Variants in NEDD4L observed in about 807,000 individuals in gnomAD.
NEDD4L encodes the protein NEDD4 like E3 ubiquitin protein ligase.
NEDD4L carries 54 observed loss-of-function variants against 148.9 expected under a neutral mutation model. The ratio of observed to expected loss-of-function variants is 0.36; its 90% confidence interval spans 0.29 to 0.45. The LOEUF (loss-of-function observed/expected upper bound fraction) is 0.45, where lower values mean the gene tolerates loss of function less well. NEDD4L is among the 20% of genes least tolerant of loss of function. The pLI, the probability that NEDD4L is intolerant of heterozygous loss-of-function variation, is 1.00. For missense variants in NEDD4L, 856 were observed against 1,233.8 expected, an observed-to-expected ratio of 0.69 and a Z score of 4.59; for synonymous variants, 433 against 440.7, an observed-to-expected ratio of 0.98 and a Z score of 0.22.
At chr18:58,167,908 C>CAA (rs1321771495) in intron 2 of NEDD4L, among the ~76,000 whole-genome samples, 4 of 150,876 alleles carry the variant, frequency 2.7e-5, no homozygotes, top group Non-Finnish European at 1.5e-5. Flanking sequence ...TTGTTTTATC[C>CAA]AAACCCTCCC....
intron 5 of NEDD4L, among the ~76,000 whole-genome samples, chr18:58,275,758 G>A (rs1051100809): frequency 5.3e-5 from 8 of 151,730 alleles, no homozygotes; most frequent in Admixed American, 3.3e-4. Flanking sequence ...TTTGTGGGTC[G>A]GAGGCATTTC....
At chr18:58,075,286 G>A (rs1287713948) in intron 1 of NEDD4L, among the ~76,000 whole-genome samples, 1 of 152,158 alleles carries the variant, frequency 6.6e-6, no homozygotes, top group African/African-American at 2.4e-5. Context: ...GAGTAGCTGG[G>A]ATTACAGGCG....
intron 1 of NEDD4L, among the ~76,000 whole-genome samples, chr18:58,099,505 C>T (rs1339676882): frequency 6.6e-6 from 1 of 152,218 alleles, no homozygotes; most frequent in Admixed American, 6.5e-5. Context: ...CGAATGTCTG[C>T]TGTGTACCAG....
chr18:58,076,481 T>C (rs1026468999), intron 1 of NEDD4L, among the ~76,000 whole-genome samples: 3 of 152,188 alleles, frequency 2.0e-5, no homozygotes, highest in African/African-American at 7.2e-5. Context: ...TTTGCTTTCT[T>C]TTAGTGGAAT....
chr18:58,057,558 G>T (rs1249257558), intron 1 of NEDD4L, among the ~76,000 whole-genome samples: 1 of 152,156 alleles, frequency 6.6e-6, no homozygotes, highest in East Asian at 1.9e-4. Context: ...CTTTTCTTGG[G>T]TGCTGCTTGG....
At chr18:58,116,104 C>A (rs2085818535) in intron 1 of NEDD4L, among the ~76,000 whole-genome samples, 1 of 152,170 alleles carries the variant, frequency 6.6e-6, no homozygotes, top group Non-Finnish European at 1.5e-5. Context: ...CCCCAGTGTG[C>A]CTCTTTGGGC....
chr18:58,366,300 A>T lies in NEDD4L; in HGVS notation c.2063+72A>T. ...GTATGAATTTAAACAGAATGAAAGGATAAGCAGCTCATGAGTTCGAGATGC... is the reference window on the plus strand; with the variant it reads ...GTATGAATTTAAACAGAATGAAAGGTTAAGCAGCTCATGAGTTCGAGATGC... On this transcript the variant is annotated intron_variant, in intron 21 of 30. Transcript: ENST00000400345. This position sits in a 1 kb window ranked among gnomAD's most constrained non-coding sequence, Gnocchi z 4.2. 1 of 1,135,810 alleles carries T rather than the reference A, an allele frequency of 8.8e-7. No individual in the cohort carries two copies. The highest frequency in any genetic ancestry group is 1.2e-6 in the Non-Finnish European group (1 of 809,662). The allele number at this position is 1,135,810 out of a possible 1,614,324, so 70.4% of individuals were successfully genotyped here. A position where few individuals can be genotyped will look rare whatever the true frequency, so the allele number is the denominator to read the frequency against.
At chr18:58,118,217 G>A (rs765452777) in intron 1 of NEDD4L, among the ~76,000 whole-genome samples, 18 of 152,372 alleles carry the variant, frequency 1.2e-4, no homozygotes, top group South Asian at 2.1e-4. Context: ...GTGAACACAT[G>A]GTTATCAAGA....
chr18:58,202,676 T>A (rs1229874653), intron 2 of NEDD4L, among the ~76,000 whole-genome samples: 2 of 152,174 alleles, frequency 1.3e-5, no homozygotes, highest in East Asian at 3.8e-4. Flanking sequence ...ACTTGATCCT[T>A]TGGGTGGTAG....
Position 58,349,449 on chromosome 18 carries a change from A to G in NEDD4L, c.1576-88A>G, listed in dbSNP as rs552783826. 4.3e-4 allele frequency: 483 copies of G among 1,112,384 alleles called. 5 individuals are homozygous for G. In the South Asian group the frequency reaches 5.5e-3, roughly 13 times the overall value. 68.9% of individuals were successfully genotyped at this position (1,112,384 alleles called of 1,614,324 possible). A position where few individuals can be genotyped will look rare whatever the true frequency, so the allele number is the denominator to read the frequency against. On this transcript the variant is annotated intron_variant, in intron 16 of 30. Transcript: ENST00000400345. ...AGGCATGGACAGCCTGGTTGCCTTGAAACAAACAGCTCAAGAAGAAAAGCA... is the reference window on the plus strand; with the variant it reads ...AGGCATGGACAGCCTGGTTGCCTTGGAACAAACAGCTCAAGAAGAAAAGCA...
chr18:58,250,223 C>G (rs971316260), intron 4 of NEDD4L, among the ~76,000 whole-genome samples: 6 of 149,042 alleles, frequency 4.0e-5, no homozygotes, highest in African/African-American at 1.0e-4. Context: ...AATCTTAGCT[C>G]ACTGCAACCT....
intron 2 of NEDD4L, among the ~76,000 whole-genome samples, chr18:58,242,619 A>C (rs1385680973): frequency 6.6e-6 from 1 of 150,864 alleles, no homozygotes; most frequent in Non-Finnish European, 1.5e-5. Flanking sequence ...TCCCACCTCA[A>C]CCTCTGTGGT....
chr18:58,267,027 T>C (rs1441322539), intron 5 of NEDD4L, among the ~76,000 whole-genome samples: 1 of 152,094 alleles, frequency 6.6e-6, no homozygotes, highest in Non-Finnish European at 1.5e-5. Context: ...ATTAGACTTT[T>C]TGGAAAATGG....
intron 5 of NEDD4L, among the ~76,000 whole-genome samples, chr18:58,312,867 A>C (rs2057857817): frequency 6.6e-6 from 1 of 152,282 alleles, no homozygotes; most frequent in Non-Finnish European, 1.5e-5. Context: ...TTTAGTAGAG[A>C]TGGGATTTCG....
intron 5 of NEDD4L, among the ~76,000 whole-genome samples, chr18:58,254,635 TGG>T (rs2048301318): frequency 6.6e-6 from 1 of 152,092 alleles, no homozygotes; most frequent in African/African-American, 2.4e-5. Context: ...GTTTGTTTTT[TGG>T]TTGATGTTTT....
intron 2 of NEDD4L, chr18:58,195,448 G>A (rs1289907307): frequency 7.6e-7 from 1 of 1,321,968 alleles, no homozygotes; most frequent in Admixed American, 2.0e-5. Context: ...GGCATCCGCG[G>A]CAGCAGCTTC....
intron 2 of NEDD4L, among the ~76,000 whole-genome samples, chr18:58,231,071 A>G (rs1456553319): frequency 6.6e-6 from 1 of 151,788 alleles, no homozygotes; most frequent in Non-Finnish European, 1.5e-5. Context: ...AACATGGGAA[A>G]ACCCCTGTCT....
intron 5 of NEDD4L, among the ~76,000 whole-genome samples, chr18:58,252,620 T>G (rs1568480858): frequency 6.6e-6 from 1 of 152,230 alleles, no homozygotes; most frequent in Non-Finnish European, 1.5e-5. Flanking sequence ...CTGAGGCATA[T>G]AACAGATACA....
chr18:58,288,444 A>G (rs921374058), intron 5 of NEDD4L, among the ~76,000 whole-genome samples: 1 of 152,274 alleles, frequency 6.6e-6, no homozygotes, highest in African/African-American at 2.4e-5. Context: ...AAGACTTTAC[A>G]TAGGATGCAA....
Sources: gnomAD v4.1 joint callset for allele counts (sites outside exome capture counted in the v4.1 genomes callset) on GRCh38, gnomAD v4.1.1 for gene constraint, Gnocchi (gnomAD v3.1) non-coding constraint, MANE v1.5 for transcripts, NCBI Gene and HGNC (gene_info 2026-07-23, HGNC 2026-07-21) for gene names.